Variants in RHOJ observed in about 807,000 individuals in gnomAD.
The protein encoded by RHOJ is rho-related GTP-binding protein RhoJ.
In RHOJ, 11 loss-of-function variants were observed where a neutral mutation model predicts 23.4. The ratio of observed to expected loss-of-function variants is 0.47; its 90% CI spans 0.30 to 0.78. RHOJ has a LOEUF of 0.78. RHOJ is among the 30% of genes least tolerant of loss of function. The pLI is 0.08. For synonymous variants in RHOJ, 102 were observed against 102.7 expected, an observed-to-expected ratio of 0.99 and a Z score of 0.04; for missense variants, 254 against 273.4, an observed-to-expected ratio of 0.93 and a Z score of 0.50.
intron 1 of RHOJ, among the ~76,000 whole-genome samples, chr14:63,207,770 C>A (rs1295391196): frequency 3.5e-4 from 53 of 152,218 alleles, no homozygotes; most frequent in Admixed American, 3.5e-3. Context: ...TACTTAACCT[C>A]TCTGTGCCTC....
intron 1 of RHOJ, among the ~76,000 whole-genome samples, chr14:63,234,377 A>C (rs1283499970): frequency 6.6e-6 from 1 of 152,198 alleles, no homozygotes; most frequent in Non-Finnish European, 1.5e-5. Flanking sequence ...TCTGTTGTTC[A>C]TCTTTGCATC....
chr14:63,249,984 A>G (rs1594765319), intron 1 of RHOJ, among the ~76,000 whole-genome samples: 1 of 152,300 alleles, frequency 6.6e-6, no homozygotes, highest in South Asian at 2.1e-4. Context: ...GTTAAAGTTG[A>G]CCCAGGATTA....
intron 1 of RHOJ, among the ~76,000 whole-genome samples, chr14:63,255,711 C>T (rs1365926469): frequency 6.6e-6 from 1 of 152,132 alleles, no homozygotes; most frequent in Non-Finnish European, 1.5e-5. Flanking sequence ...TGTGAGCTTT[C>T]CTATCTCTGT....
At chr14:63,214,587 T>C (rs1454395833) in intron 1 of RHOJ, among the ~76,000 whole-genome samples, 1 of 152,140 alleles carries the variant, frequency 6.6e-6, no homozygotes, top group Non-Finnish European at 1.5e-5. Flanking sequence ...CAGAGTGTTC[T>C]CAAAAAAGAT....
chr14:63,230,298 T>G (rs551692917), intron 1 of RHOJ, among the ~76,000 whole-genome samples: 1 of 152,104 alleles, frequency 6.6e-6, no homozygotes, highest in African/African-American at 2.4e-5. Context: ...AAAACAGAAA[T>G]GTTGTCCCTC....
chr14:63,251,467 T>C (rs756995824), intron 1 of RHOJ, among the ~76,000 whole-genome samples: 9 of 152,200 alleles, frequency 5.9e-5, no homozygotes, highest in Non-Finnish European at 1.3e-4. Context: ...ACAGTCTCAA[T>C]TCTAGAAATA....
intron 1 of RHOJ, among the ~76,000 whole-genome samples, chr14:63,263,307 A>C (rs970104346): frequency 3.3e-5 from 5 of 152,206 alleles, no homozygotes; most frequent in African/African-American, 1.2e-4. Context: ...CCTTCTGTGC[A>C]GGTGTGACTG....
intron 1 of RHOJ, among the ~76,000 whole-genome samples, chr14:63,230,692 T>TACACAC (rs58916971): frequency 1.3e-5 from 2 of 148,752 alleles, no homozygotes; most frequent in Non-Finnish European, 3.0e-5. Context: ...CACACATATG[T>TACACAC]ACACACACAC....
intron 1 of RHOJ, among the ~76,000 whole-genome samples, chr14:63,217,492 G>A (rs931968794): frequency 2.0e-5 from 3 of 151,908 alleles, no homozygotes; most frequent in African/African-American, 7.3e-5. Flanking sequence ...GCCATATGTA[G>A]AAAGCTGAAA....
intron 2 of RHOJ, among the ~76,000 whole-genome samples, chr14:63,280,222 G>T (rs541221564): frequency 6.6e-6 from 1 of 151,966 alleles, no homozygotes; most frequent in Non-Finnish European, 1.5e-5. Flanking sequence ...ATAGGGTCTC[G>T]CTATATTGCC....
At chr14:63,213,628 T>C (rs536784140) in intron 1 of RHOJ, among the ~76,000 whole-genome samples, 5 of 152,344 alleles carry the variant, frequency 3.3e-5, no homozygotes, top group African/African-American at 1.2e-4. Flanking sequence ...GGCATAATGA[T>C]ATATTTTCTT....
chr14:63,229,139 C>G (rs1340801295), intron 1 of RHOJ, among the ~76,000 whole-genome samples: 2 of 152,152 alleles, frequency 1.3e-5, no homozygotes, highest in African/African-American at 4.8e-5. Flanking sequence ...TAAGTTGTTT[C>G]CTTTCAGAAG....
At chr14:63,273,452 G>C (rs971329520) in intron 2 of RHOJ, among the ~76,000 whole-genome samples, 17 of 152,198 alleles carry the variant, frequency 1.1e-4, no homozygotes, top group African/African-American at 3.9e-4. Flanking sequence ...TGATGTCCTT[G>C]CAGGCCAGTT....
intron 4 of RHOJ, among the ~76,000 whole-genome samples, chr14:63,288,859 T>C (rs1244050394): frequency 6.6e-6 from 1 of 152,234 alleles, no homozygotes; most frequent in Non-Finnish European, 1.5e-5. Context: ...ATTTGATGGT[T>C]AGTTTTCATA....
At chr14:63,262,103 C>T (rs1402458724) in intron 1 of RHOJ, among the ~76,000 whole-genome samples, 1 of 152,204 alleles carries the variant, frequency 6.6e-6, no homozygotes, top group Non-Finnish European at 1.5e-5. Flanking sequence ...TCCAACATTT[C>T]TCTTGAAAGC....
chr14:63,211,014 A>G (rs1188855825), intron 1 of RHOJ, among the ~76,000 whole-genome samples: 2 of 152,240 alleles, frequency 1.3e-5, no homozygotes, highest in Admixed American at 1.3e-4. Flanking sequence ...ATTCATGGAA[A>G]GAAGAGAAAT....
At chr14:63,284,067 ACTTT>A (rs928897322) in intron 4 of RHOJ, among the ~76,000 whole-genome samples, 2 of 152,192 alleles carry the variant, frequency 1.3e-5, no homozygotes, top group African/African-American at 2.4e-5. Flanking sequence ...TTTCAATCTT[ACTTT>A]CTAAGTGACT....
chr14:63,264,004 C>T (rs1895320345), intron 1 of RHOJ, among the ~76,000 whole-genome samples: 2 of 151,280 alleles, frequency 1.3e-5, no homozygotes, highest in Non-Finnish European at 2.9e-5. Flanking sequence ...TTAATTTCAA[C>T]TTTTATTTTA....
chr14:63,272,732 T>C (rs892444820), intron 2 of RHOJ, among the ~76,000 whole-genome samples: 15 of 152,120 alleles, frequency 9.9e-5, no homozygotes, highest in Non-Finnish European at 2.9e-5. Flanking sequence ...GTGCTAAAGA[T>C]AGTTTATAAT....
Sources: allele counts gnomAD v4.1 joint callset (sites outside exome capture counted in the v4.1 genomes callset), GRCh38; gene constraint gnomAD v4.1.1; transcripts MANE v1.5; gene names NCBI Gene and HGNC (gene_info 2026-07-23, HGNC 2026-07-21).